Variants in DMD observed in about 807,000 individuals in gnomAD.
DMD encodes the protein mutant dystrophin.
DMD carries 63 observed loss-of-function variants against 330.1 expected under a neutral mutation model. That is an observed-to-expected ratio of 0.19 (90% CI 0.16 to 0.24). The LOEUF (loss-of-function observed/expected upper bound fraction) is 0.24, where lower values mean the gene tolerates loss of function less well. Among genes scored for constraint, DMD ranks in the 10% least tolerant of loss-of-function variants. The pLI, the probability that DMD is intolerant of heterozygous loss-of-function variation, is 1.00. For missense variants in DMD, 3,344 were observed against 2,684.1 expected (o/e 1.25, Z -5.43); for synonymous variants, 1,223 against 959.8 (o/e 1.27, Z -5.07).
intron 47 of DMD, among the ~76,000 whole-genome samples, chrX:31,921,721 C>T (rs2094692576): frequency 8.9e-6 from 1 of 112,329 alleles, no homozygotes; most frequent in South Asian, 3.7e-4. Context: ...ATTTTCACCA[C>T]AACCTGGGGA....
intron 9 of DMD, among the ~76,000 whole-genome samples, chrX:32,666,820 C>G (rs1418912784): frequency 1.0e-5 from 1 of 98,074 alleles, no homozygotes; most frequent in African/African-American, 4.2e-5. Flanking sequence ...GAGCAATAAT[C>G]TGTCTCCAAA....
At position 31,721,716 on chromosome X, in the gene DMD, C is replaced by CTA. The variant is rs1411207828; in HGVS notation, c.7660+7914_7660+7915insTA. 2.6e-3 allele frequency among the ~76,000 whole-genome samples: 139 copies of CTA among 53,400 alleles called. 1 individual carries two copies. The highest frequency in any genetic ancestry group is 3.3e-3 in the Non-Finnish European group (88 of 26,381). The allele number at this position is 53,400 out of a possible 115,157, so 46.4% of individuals were successfully genotyped here. On this transcript the variant is annotated intron_variant, in intron 52 of 78. Coordinates refer to ENST00000357033, the MANE Select transcript of DMD (RefSeq NM_004006.3). ...TCTCTCTCTCTCTCTCTCTCTCTCT[C>CTA]TCTATATATATATATATATATATAT...
At chrX:32,156,812 A>T (rs983688476) in intron 44 of DMD, among the ~76,000 whole-genome samples, 1 of 111,597 alleles carries the variant, frequency 9.0e-6, no homozygotes, top group African/African-American at 3.3e-5. Context: ...TATTCTTTAC[A>T]TGTTACTGTC....
intron 67 of DMD, among the ~76,000 whole-genome samples, chrX:31,187,669 C>G (rs139458039): frequency 0.027 from 2,827 of 103,339 alleles, 40 homozygotes; most frequent in Non-Finnish European, 0.042. Flanking sequence ...CTGAGAAGGT[C>G]ATCAGTAAAG....
chrX:31,313,375 G>A (rs1442137027), intron 62 of DMD, among the ~76,000 whole-genome samples: 1 of 111,089 alleles, frequency 9.0e-6, no homozygotes, highest in East Asian at 2.8e-4. Flanking sequence ...GACTACTAGA[G>A]TAGTTTTGGT....
intron 71 of DMD, among the ~76,000 whole-genome samples, chrX:31,177,024 G>T (rs1265115058): frequency 1.8e-5 from 2 of 111,221 alleles, no homozygotes; most frequent in African/African-American, 3.3e-5. Context: ...TTCCGAATTG[G>T]TCATTTCCCC....
intron 46 of DMD, among the ~76,000 whole-genome samples, chrX:31,930,281 C>G (rs2094837467): frequency 9.0e-6 from 1 of 110,921 alleles, no homozygotes; most frequent in African/African-American, 3.3e-5. Context: ...ATCCAATTAT[C>G]TTCATTTTAT....
chrX:31,189,257 GAACACTTA>G (rs1335979947), intron 67 of DMD, among the ~76,000 whole-genome samples: 1 of 111,491 alleles, frequency 9.0e-6, no homozygotes, highest in Non-Finnish European at 1.9e-5. Context: ...AAAACCATGT[GAACACTTA>G]ATAAACTACA....
At chrX:32,222,474 A>G (rs1269375685) in intron 43 of DMD, among the ~76,000 whole-genome samples, 1 of 112,455 alleles carries the variant, frequency 8.9e-6, no homozygotes, top group Non-Finnish European at 1.9e-5. Context: ...AAGATCAATG[A>G]AACAAAATGT....
chrX:32,058,318 G>A (rs1218760860), intron 44 of DMD, among the ~76,000 whole-genome samples: 1 of 109,915 alleles, frequency 9.1e-6, no homozygotes, highest in Non-Finnish European at 1.9e-5. Context: ...GAGAGAAAAG[G>A]TTTGCAAACC....
intron 34 of DMD, among the ~76,000 whole-genome samples, chrX:32,377,545 C>T (rs2097908637): frequency 1.8e-5 from 2 of 111,873 alleles, no homozygotes; most frequent in South Asian, 7.4e-4. Flanking sequence ...CTATGACATA[C>T]ACATGAATAT....
intron 11 of DMD, among the ~76,000 whole-genome samples, chrX:32,622,453 A>C (rs1381377649): frequency 8.9e-6 from 1 of 111,861 alleles, no homozygotes; most frequent in Non-Finnish European, 1.9e-5. Flanking sequence ...GTCTCATACT[A>C]ATTGAAAATA....
chrX:32,345,838 C>A, intron 39 of DMD, 105 bp downstream of exon 39: 2 of 813,960 alleles, frequency 2.5e-6, no homozygotes, highest in Admixed American at 3.5e-5. Flanking sequence ...AAGTGAGTTT[C>A]TGATGACTAA....
chrX:32,305,062 C>T (rs2097535567), intron 42 of DMD, among the ~76,000 whole-genome samples: 1 of 110,654 alleles, frequency 9.0e-6, no homozygotes, highest in Non-Finnish European at 1.9e-5. Context: ...TGTAATATGC[C>T]CCTGTATTAC....
rs928350690 is a variant in DMD at position 32,125,262 on chromosome X, A to G, written c.6438+91654T>C. On this transcript the variant is annotated intron_variant, in intron 44 of 78. Coordinates refer to ENST00000357033, the MANE Select transcript of DMD (RefSeq NM_004006.3). Reference sequence around the variant, plus strand: ...CTAGGATACTAATGGGCATAAAGAAAAACTGTAGAGATATTGAGAAGGTTA... The same window carrying G: ...CTAGGATACTAATGGGCATAAAGAAGAACTGTAGAGATATTGAGAAGGTTA... Among the ~76,000 whole-genome samples, 17 of 111,502 alleles carry G rather than the reference A, an allele frequency of 1.5e-4. No homozygotes were observed. The Admixed American group carries it at 1.6e-3, about 11-fold the overall frequency.
intron 1 of DMD, among the ~76,000 whole-genome samples, chrX:33,295,979 A>T (rs58866939): frequency 0.31 from 34,078 of 110,443 alleles, 4,266 homozygotes; most frequent in African/African-American, 0.48. Flanking sequence ...GACAAATATG[A>T]TACTAAAATA....
chrX:32,707,660 A>G (rs1230996197), intron 7 of DMD, among the ~76,000 whole-genome samples: 3 of 112,125 alleles, frequency 2.7e-5, no homozygotes, highest in African/African-American at 9.7e-5. Context: ...CTAAGTTTAC[A>G]TATGTTAAAT....
chrX:31,587,440 T>C (rs935664289), intron 55 of DMD, among the ~76,000 whole-genome samples: 2 of 112,442 alleles, frequency 1.8e-5, no homozygotes, highest in Admixed American at 1.9e-4. Context: ...ACACCATGAA[T>C]ATATACAACC....
chrX:32,389,462 T>G, intron 32 of DMD, 39 bp downstream of exon 32: 1 of 1,193,134 alleles, frequency 8.4e-7, no homozygotes, highest in East Asian at 3.0e-5. Flanking sequence ...ATGAGGAAAG[T>G]CAAGGGGTAC....
Sources: allele counts gnomAD v4.1 joint callset (sites outside exome capture counted in the v4.1 genomes callset), GRCh38; gene constraint gnomAD v4.1.1; transcripts MANE v1.5; gene names NCBI Gene and HGNC (gene_info 2026-07-23, HGNC 2026-07-21).